PLCG2: variants seen among roughly 807,000 people sequenced by gnomAD.
The protein encoded by PLCG2 is phospholipase C gamma 2, also known as 1-phosphatidylinositol 4,5-bisphosphate phosphodiesterase gamma-2.
In PLCG2, 69 loss-of-function variants were observed where a neutral mutation model predicts 175.6. The observed-to-expected ratio is 0.39, with a 90% CI of 0.32 to 0.48. The LOEUF is 0.48. PLCG2 is among the 20% of genes least tolerant of loss of function. The pLI, the probability that PLCG2 is intolerant of heterozygous loss-of-function variation, is 0.91. For missense variants in PLCG2, 1,798 were observed against 1,650.9 expected (o/e 1.09, Z -1.54); for synonymous variants, 827 against 624.0 (o/e 1.33, Z -4.85).
chr16:81,917,545 C>T (rs1909893784), intron 19 of PLCG2, among the ~76,000 whole-genome samples: 1 of 152,138 alleles, frequency 6.6e-6, no homozygotes. Context: ...CTCCACATCC[C>T]CACCAGCACT....
Position 81,883,269 on chromosome 16 carries a change from G to T in PLCG2, c.693G>T (p.Gly231=). The T allele has an allele frequency of 1.2e-6, 2 of 1,614,014 alleles. No individual in the cohort carries two copies. Among genetic ancestry groups the T allele is most frequent in the Non-Finnish European group, 8.5e-7 (1 of 1,179,900 alleles). The change falls in exon 9 of 33, where the codon GGG becomes GGT. Residue 231 remains glycine (G), a splice_region_variant and synonymous_variant. Coordinates refer to ENST00000564138, the MANE Select transcript of PLCG2 (RefSeq NM_002661.5). ...FKKDSSVFIL[G]NTDRPDASAV... is the part of the protein sequence containing the mutation. ...CTGCACCCCCTTTCCCCGAGGATAG[G>T]AACACTGACAGGCCGGATGCCTCTG...
intron 2 of PLCG2, among the ~76,000 whole-genome samples, chr16:81,792,288 C>G (rs1567466484): frequency 6.6e-6 from 1 of 151,960 alleles, no homozygotes; most frequent in Non-Finnish European, 1.5e-5. Flanking sequence ...TCGAGACCAG[C>G]CTAGCCAACA....
At chr16:81,817,322 G>C (rs1026808632) in intron 2 of PLCG2, among the ~76,000 whole-genome samples, 3 of 152,268 alleles carry the variant, frequency 2.0e-5, no homozygotes, top group Non-Finnish European at 4.4e-5. Context: ...TGAGGCAGTT[G>C]TGAAGGTAAA....
rs556687540 is a variant in PLCG2 at position 81,811,156 on chromosome 16, C to G, written c.193+24974C>G. On this transcript the variant is annotated intron_variant, in intron 2 of 32. Transcript: ENST00000564138. ...GTATGACAGCAGTGTTGGGGTTGAA[C>G]AAGCCTGGGCTTGCCTCCTGAGTCT... is the stretch of plus-strand genomic sequence containing the variant. Among the ~76,000 whole-genome samples, 12 of 152,288 alleles carry G rather than the reference C, an allele frequency of 7.9e-5. No individual in the cohort carries two copies. The South Asian group carries it at 8.3e-4, about 11-fold the overall frequency.
Position 81,859,119 on chromosome 16 carries a change from G to T in PLCG2, c.435G>T (p.Trp145Cys). The T allele has an allele frequency of 6.3e-7, 1 of 1,579,710 alleles. No individual in the cohort carries two copies. Among genetic ancestry groups the T allele is most frequent in the Non-Finnish European group, 8.7e-7 (1 of 1,148,744 alleles). The change falls in exon 5 of 33, where the codon TGG becomes TGT. Residue 145 changes from tryptophan to cysteine, a missense_variant. Trp to Cys is a radical substitution (Grantham distance 215). Transcript: ENST00000564138. ...NASTPTIIES[W>C]LRKQIYSVDQ... ...TTTGTCTCATATTTCTTTCCAGTTG[G>T]CTGAGAAAGCAGATATATTCTGTGG...
intron 5 of PLCG2, among the ~76,000 whole-genome samples, chr16:81,868,790 C>T (rs1907369130): frequency 1.3e-5 from 2 of 152,370 alleles, no homozygotes; most frequent in Admixed American, 1.3e-4. Context: ...TCCTGCAAGA[C>T]CTTCCTCCAT....
intron 14 of PLCG2, among the ~76,000 whole-genome samples, chr16:81,903,773 G>C (rs976561040): frequency 1.3e-5 from 2 of 152,142 alleles, no homozygotes; most frequent in Non-Finnish European, 2.9e-5. Context: ...TTTCCATTAG[G>C]ATGGCTTGCT....
At chr16:81,750,736 C>T (rs1449596018) in intron 1 of PLCG2, among the ~76,000 whole-genome samples, 2 of 119,852 alleles carry the variant, frequency 1.7e-5, no homozygotes, top group South Asian at 6.4e-4. Flanking sequence ...GGCGCGATCT[C>T]GGCTCACTGC....
chr16:81,870,974 T>C, intron 7 of PLCG2, 39 bp downstream of exon 7: 2 of 1,124,440 alleles, frequency 1.8e-6, no homozygotes, highest in Non-Finnish European at 2.6e-6. Context: ...GTGATGTTTC[T>C]GTTTTCCATG....
At chr16:81,859,356 C>A (rs73592975) in intron 5 of PLCG2, 193 bp downstream of exon 5, 1 of 535,606 alleles carries the variant, frequency 1.9e-6, no homozygotes, top group Non-Finnish European at 3.4e-6. Flanking sequence ...GCCTCTATTC[C>A]GCAGAAAATT....
chr16:81,798,208 G>C (rs762041547), intron 2 of PLCG2, among the ~76,000 whole-genome samples: 10 of 152,204 alleles, frequency 6.6e-5, no homozygotes, highest in Non-Finnish European at 1.2e-4. Context: ...GATTCAGTTT[G>C]TAAGTGATTG....
intron 2 of PLCG2, among the ~76,000 whole-genome samples, chr16:81,828,234 CA>C (rs1192621008): frequency 8.7e-4 from 101 of 116,104 alleles, no homozygotes; most frequent in African/African-American, 3.1e-3. Flanking sequence ...TGAGAAATGT[CA>C]TTTTTTTTTT....
At chr16:81,890,660 G>A (rs187986104) in intron 10 of PLCG2, among the ~76,000 whole-genome samples, 215 of 152,302 alleles carry the variant, frequency 1.4e-3, no homozygotes, top group African/African-American at 4.8e-3. Flanking sequence ...AGGGAAGGAG[G>A]GGAGGTGGAA....
chr16:81,798,153 T>A (rs1343919788), intron 2 of PLCG2, among the ~76,000 whole-genome samples: 1 of 152,114 alleles, frequency 6.6e-6, no homozygotes, highest in Non-Finnish European at 1.5e-5. Flanking sequence ...TTCTTATCTA[T>A]AAGATGGGGT....
intron 31 of PLCG2, among the ~76,000 whole-genome samples, chr16:81,948,449 T>A (rs1229811955): frequency 6.6e-5 from 10 of 152,214 alleles, no homozygotes; most frequent in Admixed American, 6.5e-4. Context: ...CTGGGTGGAC[T>A]GGGTTCTGTT....
intron 2 of PLCG2, among the ~76,000 whole-genome samples, chr16:81,835,357 A>C (rs12917731): frequency 6.6e-6 from 1 of 151,966 alleles, no homozygotes; most frequent in African/African-American, 2.4e-5. Context: ...GCACTTTGGG[A>C]GGCCAAAGCG....
At chr16:81,836,599 G>A (rs765392090) in intron 2 of PLCG2, among the ~76,000 whole-genome samples, 8 of 152,124 alleles carry the variant, frequency 5.3e-5, no homozygotes, top group Non-Finnish European at 1.0e-4. Flanking sequence ...AAGTTAGCCG[G>A]GCATGATGGC....
chr16:81,881,047 A>T, intron 8 of PLCG2, 94 bp downstream of exon 8: 1 of 1,290,032 alleles, frequency 7.8e-7, no homozygotes, highest in Non-Finnish European at 1.1e-6. Flanking sequence ...CTGTGTGTGC[A>T]GGCGCTGACC....
At chr16:81,910,758 T>C in intron 18 of PLCG2, 38 bp downstream of exon 18, 1 of 1,571,542 alleles carries the variant, frequency 6.4e-7, no homozygotes, top group Non-Finnish European at 8.7e-7. Flanking sequence ...CAGGCGGTGG[T>C]CGGGTTAGCT....
Sources: gnomAD v4.1 joint callset for allele counts (sites outside exome capture counted in the v4.1 genomes callset) on GRCh38, gnomAD v4.1.1 for gene constraint, MANE v1.5 for transcripts, NCBI Gene and HGNC (gene_info 2026-07-23, HGNC 2026-07-21) for gene names.